Variants in NUMA1 observed in about 807,000 individuals in gnomAD.
NUMA1 encodes the protein nuclear mitotic apparatus protein 1.
Under a neutral mutation model 237.1 loss-of-function variants are expected in NUMA1, and 62 were observed. The observed-to-expected ratio is 0.26, with a 90% confidence interval of 0.21 to 0.32. The LOEUF is 0.32. Among genes scored for constraint, NUMA1 ranks in the 10% least tolerant of loss-of-function variants. The pLI is 1.00. For missense variants in NUMA1, 2,533 were observed against 2,666.5 expected, an observed-to-expected ratio of 0.95 and a Z score of 1.10; for synonymous variants, 1,028 against 1,066.1, an observed-to-expected ratio of 0.96 and a Z score of 0.70.
chr11:72,079,685 G>A (rs994576970), intron 1 of NUMA1, among the ~76,000 whole-genome samples: 22 of 151,234 alleles, frequency 1.5e-4, no homozygotes, highest in Non-Finnish European at 2.6e-4. Context: ...TACTCTCCGA[G>A]GTGCGTGTAT....
intron 3 of NUMA1, among the ~76,000 whole-genome samples, chr11:72,035,483 C>T (rs780258975): frequency 2.7e-5 from 4 of 150,876 alleles, no homozygotes; most frequent in Non-Finnish European, 5.9e-5. Context: ...TCTCGGCTCA[C>T]AGCAACCTCC....
chr11:72,065,410 T>C (rs1041157728), intron 2 of NUMA1: 1 of 151,966 alleles, frequency 6.6e-6, no homozygotes, highest in African/African-American at 2.4e-5. Context: ...ACTACAAATA[T>C]TTATGAAGAG....
chr11:72,034,411 T>TA (rs1017407322), intron 3 of NUMA1, among the ~76,000 whole-genome samples: 3 of 151,446 alleles, frequency 2.0e-5, no homozygotes, highest in African/African-American at 7.3e-5. Flanking sequence ...TCATCCCCAT[T>TA]AAAAAAAATG....
At chr11:72,073,454 C>A (rs529247436) in intron 1 of NUMA1, among the ~76,000 whole-genome samples, 1 of 152,136 alleles carries the variant, frequency 6.6e-6, no homozygotes, top group African/African-American at 2.4e-5. Flanking sequence ...CTCTATGCCC[C>A]ACCTTTGAAG....
chr11:72,075,666 T>G (rs1286605935), intron 1 of NUMA1, among the ~76,000 whole-genome samples: 1 of 152,152 alleles, frequency 6.6e-6, no homozygotes, highest in Non-Finnish European at 1.5e-5. Flanking sequence ...TTGAAGTTAC[T>G]TTAATATTCC....
intron 8 of NUMA1, among the ~76,000 whole-genome samples, chr11:72,019,826 G>C (rs1313668958): frequency 6.6e-6 from 1 of 152,172 alleles, no homozygotes; most frequent in Non-Finnish European, 1.5e-5. Context: ...ATGAAGTGCA[G>C]GGCTTCCATT....
intron 4 of NUMA1, among the ~76,000 whole-genome samples, chr11:72,028,319 G>A (rs1299332368): frequency 6.6e-6 from 1 of 152,040 alleles, no homozygotes; most frequent in Non-Finnish European, 1.5e-5. Flanking sequence ...CTATGAACAG[G>A]TAGCTAAAGT....
chr11:72,063,860 C>T (rs1943076942), intron 2 of NUMA1, among the ~76,000 whole-genome samples: 1 of 149,256 alleles, frequency 6.7e-6, no homozygotes, highest in Non-Finnish European at 1.5e-5. Context: ...GAGGCTGAAG[C>T]CATAATAAGC....
At chr11:72,049,523 A>C in intron 2 of NUMA1, 1 of 135,794 alleles carries the variant, frequency 7.4e-6, no homozygotes, top group African/African-American at 2.7e-5. Flanking sequence ...AGCGTGGGCA[A>C]CATAGTGAGA....
intron 3 of NUMA1, among the ~76,000 whole-genome samples, chr11:72,030,779 A>G (rs1252913003): frequency 1.3e-5 from 2 of 152,234 alleles, no homozygotes; most frequent in Non-Finnish European, 2.9e-5. Flanking sequence ...ACTAGATTCT[A>G]TTGCTTACAA....
Position 72,009,389 on chromosome 11 carries a change from TGAG to T in NUMA1, c.4720-5_4720-3del, listed in dbSNP as rs1955987025. 3.7e-6 allele frequency: 6 copies of T among 1,600,392 alleles called. No homozygotes were observed. The highest frequency in any genetic ancestry group is 3.3e-5 in the South Asian group (3 of 90,384). On this transcript the variant is annotated splice_polypyrimidine_tract_variant and splice_region_variant and intron_variant, in intron 17 of 26. Transcript: ENST00000393695. ...CTCGCCTCCCTGAGCCTGGACAGCC[TGAG>T]AAGAAAGGCCACTCAGGAAAGCTGG...
At chr11:72,041,521 C>T (rs1941663030) in intron 2 of NUMA1, 1 of 152,194 alleles carries the variant, frequency 6.6e-6, no homozygotes, top group Non-Finnish European at 1.5e-5. Context: ...ATCTGTCCAT[C>T]TCTCTGGACA....
Position 72,012,841 on chromosome 11 carries a change from C to T in NUMA1, c.4608+54G>A. Reference sequence around the variant, plus strand: ...GGCCCTGGACACAGAGGATCGATGTCCCCGCGCTCTCAGCTCCTGATCTTT... The same window carrying T: ...GGCCCTGGACACAGAGGATCGATGTTCCCGCGCTCTCAGCTCCTGATCTTT... On this transcript the variant is annotated intron_variant, in intron 15 of 26. Coordinates refer to ENST00000393695, the MANE Select transcript of NUMA1 (RefSeq NM_006185.4). 5 of 1,581,466 alleles carry T rather than the reference C, an allele frequency of 3.2e-6. No individual in the cohort carries two copies. In the East Asian group the frequency reaches 1.1e-4, roughly 35 times the overall value.
At chr11:72,047,815 G>A (rs2135971209) in intron 2 of NUMA1, 1 of 152,304 alleles carries the variant, frequency 6.6e-6, no homozygotes, top group Middle Eastern at 3.4e-3. Flanking sequence ...GAAAAGACTA[G>A]AAGGCATTGT....
intron 2 of NUMA1, among the ~76,000 whole-genome samples, chr11:72,044,653 A>C (rs1941890608): frequency 6.9e-6 from 1 of 145,440 alleles, no homozygotes; most frequent in Non-Finnish European, 1.5e-5. Context: ...GGGACTTTCT[A>C]TGCTGTATGT....
chr11:72,056,056 C>T (rs981000108), intron 2 of NUMA1, among the ~76,000 whole-genome samples: 7 of 151,734 alleles, frequency 4.6e-5, no homozygotes, highest in East Asian at 2.0e-4. Context: ...GGCTGAGGCA[C>T]AAGAATTGCT....
Position 72,004,666 on chromosome 11 carries a change from G to C in NUMA1, c.5980C>G (p.Pro1994Ala). ...TCAGGAGTTCCAGGGCCCTGGTGGG[G>C]CTCTAGGGAGACCCGTTTGCGCTGC... is the stretch of plus-strand genomic sequence containing the variant. ...RQQRKRVSLE[P>A]HQGPGTPESK... is the part of the protein sequence containing the mutation. Residue 1994 changes from proline to alanine, a missense_variant, in exon 24 of 27, where the codon CCC (proline) becomes GCC (alanine). Pro to Ala is a conservative substitution (Grantham distance 27). Around this residue, in one of 3 missense-constraint regions of NUMA1, gnomAD observed 795 missense variants for 750.8 expected, o/e 1.06. Coordinates refer to ENST00000393695, the MANE Select transcript of NUMA1 (RefSeq NM_006185.4). The C allele has an allele frequency of 6.2e-7, 1 of 1,613,086 alleles. No homozygotes were observed. The highest frequency in any genetic ancestry group is 1.3e-5 in the African/African-American group (1 of 74,990).
intron 2 of NUMA1, among the ~76,000 whole-genome samples, chr11:72,061,489 T>TCTC (rs71052847): frequency 8.8e-6 from 1 of 113,962 alleles, no homozygotes; most frequent in Non-Finnish European, 1.8e-5. Flanking sequence ...TCTTTTCTTT[T>TCTC]TTTTTTTTTT....
intron 1 of NUMA1, among the ~76,000 whole-genome samples, chr11:72,077,590 G>A (rs1253862661): frequency 6.6e-6 from 1 of 152,116 alleles, no homozygotes; most frequent in African/African-American, 2.4e-5. Context: ...CGAGGCGGGA[G>A]GATCACAAGG....
Sources: gnomAD v4.1 joint callset for allele counts (sites outside exome capture counted in the v4.1 genomes callset) on GRCh38, gnomAD v4.1.1 for gene constraint, gnomAD v4.1.1 regional missense constraint, MANE v1.5 for transcripts, NCBI Gene and HGNC (gene_info 2026-07-23, HGNC 2026-07-21) for gene names.